The following DIP2C variants were observed in gnomAD, a reference collection of about 807,000 sequenced individuals.
The protein encoded by DIP2C is disco-interacting protein 2 homolog C.
A neutral mutation model predicts 192.4 loss-of-function variants in DIP2C; 33 were observed. The observed-to-expected ratio is 0.17, with a 90% CI of 0.13 to 0.23. The LOEUF is 0.23. DIP2C is among the 10% of genes least tolerant of loss of function. The pLI is 1.00. For synonymous variants in DIP2C, 979 were observed against 864.1 expected (o/e 1.13, Z -2.33); for missense variants, 1,537 against 2,110.1 (o/e 0.73, Z 5.32).
At position 652,395 on chromosome 10, in the gene DIP2C, G is replaced by A. The variant is rs559606140; in HGVS notation, c.85+37099C>T. On this transcript the variant is annotated intron_variant, in intron 1 of 36. Coordinates refer to ENST00000280886, the MANE Select transcript of DIP2C (RefSeq NM_014974.3). This position sits in a 1 kb window ranked among gnomAD's most constrained non-coding sequence, Gnocchi z 4.5. Reference sequence around the variant, plus strand: ...TCCCGGGGTGGGGTGGCGGGGGGGCGCACTGTGCACCCTCCCAGCTCTCCT... The same window carrying A: ...TCCCGGGGTGGGGTGGCGGGGGGGCACACTGTGCACCCTCCCAGCTCTCCT... The A allele has an allele frequency of 2.1e-3, 354 of 171,384 alleles. 2 individuals are homozygous for A. The highest frequency in any genetic ancestry group is 5.3e-3 in the Middle Eastern group (2 of 378). 10.6% of individuals were successfully genotyped at this position (171,384 alleles called of 1,614,324 possible).
intron 28 of DIP2C, among the ~76,000 whole-genome samples, chr10:343,594 T>A (rs1434558470): frequency 6.6e-6 from 1 of 152,234 alleles, no homozygotes; most frequent in East Asian, 1.9e-4. Flanking sequence ...AGCTTGCTTT[T>A]AAGGCAAATT....
chr10:647,559 T>C, intron 1 of DIP2C, among the ~76,000 whole-genome samples: 1 of 142,830 alleles, frequency 7.0e-6, no homozygotes, highest in Non-Finnish European at 1.5e-5. Context: ...AGAGGGAAAC[T>C]GAGTCCACGT....
intron 2 of DIP2C, among the ~76,000 whole-genome samples, chr10:481,429 A>G (rs992340454): frequency 1.3e-5 from 2 of 152,190 alleles, no homozygotes; most frequent in Middle Eastern, 3.2e-3. Flanking sequence ...CAAGGCAGCC[A>G]CTGCAAGCAA....
chr10:521,922 G>T (rs759936759), intron 1 of DIP2C, among the ~76,000 whole-genome samples: 1 of 149,136 alleles, frequency 6.7e-6, no homozygotes, highest in Admixed American at 6.7e-5. Flanking sequence ...TGACAGACCC[G>T]CATCAACACA....
rs574749076 is a variant in DIP2C at position 672,090 on chromosome 10, G to C, written c.85+17404C>G. ...AGGAAACGCCACAGACGCACGGACG[G>C]AGTAAACAGGCCACAGACGCACGGA... On this transcript the variant is annotated intron_variant, in intron 1 of 36. Coordinates refer to ENST00000280886, the MANE Select transcript of DIP2C (RefSeq NM_014974.3). Among the ~76,000 whole-genome samples the C allele has an allele frequency of 2.0e-5, 3 of 147,620 alleles. No individual in the cohort carries two copies. The East Asian group carries it at 6.2e-4, about 31-fold the overall frequency.
In DIP2C at chr10:297,912, A is replaced by G. The variant is rs144704291; in HGVS notation, c.3987-9491T>C. On this transcript the variant is annotated intron_variant, in intron 32 of 36. Coordinates refer to ENST00000280886, the MANE Select transcript of DIP2C (RefSeq NM_014974.3). ...CATATACCCTATGAGTTGCACAATT[A>G]TGTGTTAATTTTATAAAAAGTTAAA... Among the ~76,000 whole-genome samples the G allele has an allele frequency of 1.3e-3, 202 of 152,328 alleles. 3 individuals carry two copies. In the South Asian group the frequency reaches 0.02, roughly 15 times the overall value.
At chr10:352,577 G>A (rs760131463) in intron 24 of DIP2C, among the ~76,000 whole-genome samples, 10 of 152,152 alleles carry the variant, frequency 6.6e-5, no homozygotes, top group Admixed American at 2.0e-4. Context: ...ACAGCCGGTC[G>A]GACATGAGCA....
rs183180566 is a variant in DIP2C at position 325,076 on chromosome 10, T to C, written c.3924+1930A>G. On this transcript the variant is annotated intron_variant, in intron 31 of 36. Transcript: ENST00000280886. ...GTCAGGAGATCAAAACCATGCTGGC[T>C]AACACGGTGAAACCCCATCTCTACT... The C allele has an allele frequency of 7.8e-4, 333 of 425,334 alleles. 2 individuals carry two copies. The highest frequency in any genetic ancestry group is 6.2e-3 in the African/African-American group (304 of 48,658). 26.3% of individuals were successfully genotyped at this position (425,334 alleles called of 1,614,324 possible).
At chr10:334,304 CAAAAAAAAA>C (rs35031456) in intron 29 of DIP2C, among the ~76,000 whole-genome samples, 2 of 82,416 alleles carry the variant, frequency 2.4e-5, no homozygotes, top group Admixed American at 1.8e-4. Flanking sequence ...AAGACTGTCT[CAAAAAAAAA>C]AAAAAAAAAA....
intron 3 of DIP2C, among the ~76,000 whole-genome samples, chr10:449,891 C>G (rs537875865): frequency 2.1e-5 from 3 of 146,052 alleles, no homozygotes; most frequent in Non-Finnish European, 4.5e-5. Flanking sequence ...CAGTCATGTG[C>G]CAAATAAAGA....
chr10:476,842 G>A lies in DIP2C; in HGVS notation c.158-4293C>T, dbSNP rs1007099530. ...GAAACTGCTAAAATTTCAGATCCAA[G>A]AATGAATCTTGGAGCAAGGAAAAGC... is the stretch of plus-strand genomic sequence containing the variant. On this transcript the variant is annotated intron_variant, in intron 2 of 36. Coordinates refer to ENST00000280886, the MANE Select transcript of DIP2C (RefSeq NM_014974.3). Among the ~76,000 whole-genome samples, 5 of 151,964 alleles carry A rather than the reference G, an allele frequency of 3.3e-5. No homozygotes were observed. The South Asian group carries it at 6.2e-4, about 19-fold the overall frequency.
At chr10:377,241 T>C (rs1961724234) in intron 17 of DIP2C, among the ~76,000 whole-genome samples, 2 of 152,192 alleles carry the variant, frequency 1.3e-5, no homozygotes, top group Non-Finnish European at 2.9e-5. Flanking sequence ...ACAAACTCTT[T>C]CTCATAAGCC....
At chr10:483,152 A>C (rs1040178458) in intron 2 of DIP2C, among the ~76,000 whole-genome samples, 2 of 152,226 alleles carry the variant, frequency 1.3e-5, no homozygotes, top group African/African-American at 4.8e-5. Flanking sequence ...GTAGCTCGTA[A>C]TTCTGCATCC....
intron 1 of DIP2C, among the ~76,000 whole-genome samples, chr10:595,221 C>CCCT (rs1475597259): frequency 6.6e-6 from 1 of 152,158 alleles, no homozygotes; most frequent in African/African-American, 2.4e-5. Context: ...AGCCAACGTC[C>CCCT]CCTCACGCAG....
chr10:346,526 C>T (rs1958469709), intron 26 of DIP2C, among the ~76,000 whole-genome samples: 1 of 142,854 alleles, frequency 7.0e-6, no homozygotes, highest in African/African-American at 2.7e-5. Flanking sequence ...CATAGTTCTC[C>T]CGGAAACCCC....
chr10:367,189 G>A (rs1025323845), intron 18 of DIP2C, among the ~76,000 whole-genome samples: 11 of 152,270 alleles, frequency 7.2e-5, no homozygotes, highest in East Asian at 5.8e-4. Context: ...AGGCCGAGGC[G>A]GGCGGATCAC....
intron 1 of DIP2C, among the ~76,000 whole-genome samples, chr10:557,965 G>A (rs1051962871): frequency 1.3e-5 from 2 of 151,976 alleles, no homozygotes; most frequent in African/African-American, 4.8e-5. Context: ...GGAGGCAGGA[G>A]GGATGCTCCC....
At position 274,882 on chromosome 10, in the gene DIP2C, T is replaced by C. The variant is rs181246498; in HGVS notation, c.*2443A>G. 1.1e-4 allele frequency: 17 copies of C among 152,238 alleles called. No homozygotes were observed. Among genetic ancestry groups the C allele is most frequent in the African/African-American group, 4.1e-4 (17 of 41,478 alleles). 9.4% of individuals were successfully genotyped at this position (152,238 alleles called of 1,614,324 possible). On this transcript the variant is annotated 3_prime_UTR_variant, in exon 37 of 37. Coordinates refer to ENST00000280886, the MANE Select transcript of DIP2C (RefSeq NM_014974.3). The stretch of plus-strand genomic sequence containing the variant: ...ACATTTTTTACAATCTCATGAATGA[T>C]TTATCTACAGTACAATTTTGAATAC...
At chr10:320,239 A>T (rs770032111) in intron 31 of DIP2C, among the ~76,000 whole-genome samples, 16 of 152,222 alleles carry the variant, frequency 1.1e-4, no homozygotes, top group Non-Finnish European at 2.2e-4. Flanking sequence ...ATTTACACAC[A>T]CAGATTGGCA....
Sources: gnomAD v4.1 joint callset for allele counts (sites outside exome capture counted in the v4.1 genomes callset) on GRCh38, gnomAD v4.1.1 for gene constraint, Gnocchi (gnomAD v3.1) non-coding constraint, MANE v1.5 for transcripts, NCBI Gene and HGNC (gene_info 2026-07-23, HGNC 2026-07-21) for gene names.